SPAG16: variants seen among roughly 807,000 people sequenced by gnomAD.
The protein encoded by SPAG16 is sperm associated antigen 16, also known as sperm-associated antigen 16 protein.
SPAG16 carries 86 observed loss-of-function variants against 80.4 expected under a neutral mutation model. The ratio of observed to expected loss-of-function variants is 1.07; its 90% CI spans 0.90 to 1.28. The LOEUF is 1.28. Among genes scored for constraint, SPAG16 ranks in the 50% most tolerant of loss-of-function variants. The probability of loss-of-function intolerance (pLI) is 0.00; values close to 1 mark genes in which losing one functional copy is unlikely to be tolerated. For synonymous variants in SPAG16, 294 were observed against 265.9 expected, an observed-to-expected ratio of 1.11 and a Z score of -1.03; for missense variants, 870 against 765.3, an observed-to-expected ratio of 1.14 and a Z score of -1.61.
intron 15 of SPAG16, among the ~76,000 whole-genome samples, chr2:214,214,995 C>A (rs559394696): frequency 4.0e-5 from 6 of 151,318 alleles, no homozygotes; most frequent in Non-Finnish European, 8.8e-5. Flanking sequence ...TCTCCAAGGC[C>A]CAGTACAATG....
chr2:214,319,211 C>CACACACACACACAG (rs1455918899), intron 15 of SPAG16, among the ~76,000 whole-genome samples: 4 of 151,368 alleles, frequency 2.6e-5, no homozygotes, highest in Non-Finnish European at 4.4e-5. Context: ...CACACACACA[C>CACACACACACACAG]ACACACACAC....
chr2:213,753,411 TA>T (rs2068175147), intron 10 of SPAG16, among the ~76,000 whole-genome samples: 1 of 152,254 alleles, frequency 6.6e-6, no homozygotes, highest in South Asian at 2.1e-4. Flanking sequence ...GTTTGTGGGA[TA>T]CCACCAGATT....
Position 214,126,135 on chromosome 2 carries a change from G to T in SPAG16, c.1593+17874G>T, listed in dbSNP as rs140835560. Among the ~76,000 whole-genome samples the T allele has an allele frequency of 1.1e-3, 157 of 140,474 alleles. 1 individual carries two copies. Among genetic ancestry groups the T allele is most frequent in the African/African-American group, 4.1e-3 (153 of 37,768 alleles). The allele number at this position is 140,474 out of a possible 152,430, so 92.2% of individuals were successfully genotyped here. On this transcript the variant is annotated intron_variant, in intron 14 of 15. Coordinates refer to ENST00000331683, the MANE Select transcript of SPAG16 (RefSeq NM_024532.5). Reference sequence around the variant, plus strand: ...CTGGCAATGGGGCAGGTCCCACCTCGAATCACGTCTTCAAAATAGAAGAGA... The same window carrying T: ...CTGGCAATGGGGCAGGTCCCACCTCTAATCACGTCTTCAAAATAGAAGAGA...
chr2:213,970,485 T>G (rs2044979609), intron 12 of SPAG16, among the ~76,000 whole-genome samples: 1 of 152,002 alleles, frequency 6.6e-6, no homozygotes, highest in Non-Finnish European at 1.5e-5. Flanking sequence ...TATGTTTTTG[T>G]AGAGACAGGT....
At chr2:213,871,995 A>G (rs2075973598) in intron 11 of SPAG16, among the ~76,000 whole-genome samples, 1 of 152,164 alleles carries the variant, frequency 6.6e-6, no homozygotes, top group Non-Finnish European at 1.5e-5. Flanking sequence ...CAAAAAATAG[A>G]AAACATGAAA....
intron 10 of SPAG16, among the ~76,000 whole-genome samples, chr2:213,776,463 C>G (rs1305263845): frequency 6.6e-6 from 1 of 152,140 alleles, no homozygotes; most frequent in Non-Finnish European, 1.5e-5. Flanking sequence ...CAGTGAGACC[C>G]ATGTCTGACT....
At chr2:213,419,820 A>T (rs2069483134) in intron 9 of SPAG16, among the ~76,000 whole-genome samples, 1 of 152,314 alleles carries the variant, frequency 6.6e-6, no homozygotes, top group South Asian at 2.1e-4. Flanking sequence ...AGAGAGTTTA[A>T]TAATGTAAGA....
At chr2:213,862,455 C>T in intron 10 of SPAG16, 30 bp from the exon 11 acceptor site, 1 of 1,610,180 alleles carries the variant, frequency 6.2e-7, no homozygotes, top group Non-Finnish European at 8.5e-7. Context: ...ATTATCTCCC[C>T]ATAACTCTTT....
chr2:214,075,069 TG>T (rs1424541752), intron 13 of SPAG16, among the ~76,000 whole-genome samples: 1 of 151,984 alleles, frequency 6.6e-6, no homozygotes, highest in Non-Finnish European at 1.5e-5. Flanking sequence ...ACAAAACAAT[TG>T]AATTTTATAA....
At chr2:213,786,197 TCTCAAGGAAA>T (rs1333731227) in intron 10 of SPAG16, among the ~76,000 whole-genome samples, 1 of 152,196 alleles carries the variant, frequency 6.6e-6, no homozygotes, top group Admixed American at 6.5e-5. Flanking sequence ...TTTTAATTTT[TCTCAAGGAAA>T]CTTTCATCGT....
intron 13 of SPAG16, among the ~76,000 whole-genome samples, chr2:214,049,549 T>C (rs1201990648): frequency 6.6e-6 from 1 of 152,232 alleles, no homozygotes; most frequent in African/African-American, 2.4e-5. Flanking sequence ...GGAGTTTCTG[T>C]TGATATAAAT....
At chr2:213,629,092 A>C (rs2062055606) in intron 10 of SPAG16, among the ~76,000 whole-genome samples, 1 of 152,244 alleles carries the variant, frequency 6.6e-6, no homozygotes, top group South Asian at 2.1e-4. Context: ...TAAGCAAAGG[A>C]CTGGAGAAAA....
At chr2:213,897,781 C>T (rs1196213223) in intron 11 of SPAG16, among the ~76,000 whole-genome samples, 1 of 152,148 alleles carries the variant, frequency 6.6e-6, no homozygotes, top group Non-Finnish European at 1.5e-5. Context: ...TTAGTCCTTA[C>T]TTAGAGTGAT....
intron 9 of SPAG16, among the ~76,000 whole-genome samples, chr2:213,401,541 TCTC>T (rs990137877): frequency 6.6e-6 from 1 of 152,166 alleles, no homozygotes; most frequent in African/African-American, 2.4e-5. Flanking sequence ...ATACAAAAAA[TCTC>T]CTTTAAAAAG....
intron 12 of SPAG16, among the ~76,000 whole-genome samples, chr2:213,964,512 T>C (rs1377537674): frequency 1.3e-5 from 2 of 152,272 alleles, no homozygotes; most frequent in East Asian, 3.8e-4. Context: ...TGGTTAAAAA[T>C]TCTTCTTTTT....
chr2:213,630,030 A>G lies in SPAG16; in HGVS notation c.1070+139940A>G, dbSNP rs111314466. 1.5e-3 allele frequency among the ~76,000 whole-genome samples: 233 copies of G among 152,280 alleles called. 1 individual carries two copies. Among genetic ancestry groups the G allele is most frequent in the African/African-American group, 4.3e-3 (180 of 41,550 alleles). On this transcript the variant is annotated intron_variant, in intron 10 of 15. Coordinates refer to ENST00000331683, the MANE Select transcript of SPAG16 (RefSeq NM_024532.5). The stretch of plus-strand genomic sequence containing the variant: ...CTTCATTGTCTCATTTGACTTCTCA[A>G]TGTTCCCATCATCCATATAACCATT...
At chr2:213,471,576 T>C (rs941298205) in intron 9 of SPAG16, among the ~76,000 whole-genome samples, 2 of 152,192 alleles carry the variant, frequency 1.3e-5, no homozygotes, top group Non-Finnish European at 2.9e-5. Flanking sequence ...AGGCCTCTGC[T>C]GTGATTCACC....
At chr2:213,344,133 T>G (rs947851419) in intron 6 of SPAG16, among the ~76,000 whole-genome samples, 1 of 152,106 alleles carries the variant, frequency 6.6e-6, no homozygotes, top group Non-Finnish European at 1.5e-5. Context: ...TTTAGGTTTC[T>G]GAATTTGAAT....
chr2:213,294,612 A>G (rs1272150150), intron 1 of SPAG16, among the ~76,000 whole-genome samples: 1 of 152,248 alleles, frequency 6.6e-6, no homozygotes, highest in African/African-American at 2.4e-5. Flanking sequence ...ACAATAAAAT[A>G]CTGACCTTTT....
Sources: gnomAD v4.1 joint callset for allele counts (sites outside exome capture counted in the v4.1 genomes callset) on GRCh38, gnomAD v4.1.1 for gene constraint, MANE v1.5 for transcripts, NCBI Gene and HGNC (gene_info 2026-07-23, HGNC 2026-07-21) for gene names.